Variants in PCDH11X observed in about 807,000 individuals in gnomAD.
PCDH11X encodes protocadherin 11 X-linked.
In PCDH11X, 18 loss-of-function variants were observed where a neutral mutation model predicts 53.3. The ratio of observed to expected loss-of-function variants is 0.34; its 90% CI spans 0.23 to 0.50. The LOEUF is 0.50. Among genes scored for constraint, PCDH11X ranks in the 20% least tolerant of loss-of-function variants. The probability of loss-of-function intolerance (pLI) is 0.98; values close to 1 mark genes in which losing one functional copy is unlikely to be tolerated. For synonymous variants in PCDH11X, 279 were observed against 393.3 expected (o/e 0.71, Z 3.44); for missense variants, 570 against 1,032.4 (o/e 0.55, Z 6.14).
At chrX:92,591,527 C>A (rs1925032574) in intron 10 of PCDH11X, among the ~76,000 whole-genome samples, 1 of 111,445 alleles carries the variant, frequency 9.0e-6, no homozygotes, top group South Asian at 3.8e-4. Flanking sequence ...GCTACTCAAG[C>A]CAGCCCTGCA....
chrX:92,046,549 A>G (rs1257913900), intron 6 of PCDH11X, among the ~76,000 whole-genome samples: 1 of 111,358 alleles, frequency 9.0e-6, no homozygotes, highest in Non-Finnish European at 1.9e-5. Context: ...TTACATTGAT[A>G]TTGGCACTGT....
intron 6 of PCDH11X, among the ~76,000 whole-genome samples, chrX:92,008,812 C>A (rs1242482493): frequency 9.1e-6 from 1 of 110,183 alleles, no homozygotes; most frequent in Non-Finnish European, 1.9e-5. Flanking sequence ...TTCATTATTA[C>A]TTATGAGTGA....
At chrX:92,137,662 A>G (rs1246131124) in intron 6 of PCDH11X, among the ~76,000 whole-genome samples, 3 of 109,967 alleles carry the variant, frequency 2.7e-5, no homozygotes, top group Non-Finnish European at 5.7e-5. Flanking sequence ...CCCAAAAGAA[A>G]CACCATACCT....
chrX:92,136,708 T>C (rs950060925), intron 6 of PCDH11X, among the ~76,000 whole-genome samples: 3 of 107,716 alleles, frequency 2.8e-5, no homozygotes, highest in African/African-American at 1.0e-4. Context: ...TACTGACCCC[T>C]GTTGTAGATA....
chrX:91,893,283 A>G (rs1442519263), intron 6 of PCDH11X, among the ~76,000 whole-genome samples: 1 of 110,611 alleles, frequency 9.0e-6, no homozygotes, highest in African/African-American at 3.3e-5. Context: ...AAAGTATCAA[A>G]GGAAAAATTT....
intron 8 of PCDH11X, among the ~76,000 whole-genome samples, chrX:92,353,391 T>G (rs766010567): frequency 8.9e-6 from 1 of 111,759 alleles, no homozygotes; most frequent in Non-Finnish European, 1.9e-5. Context: ...TCTTCAGTCC[T>G]AAAATACAAT....
rs776571671 is a variant in PCDH11X at position 92,133,961 on chromosome X, A to G, written c.3034-67414A>G. Among the ~76,000 whole-genome samples, 3 of 111,844 alleles carry G rather than the reference A, an allele frequency of 2.7e-5. No individual in the cohort carries two copies. In the East Asian group the frequency reaches 8.5e-4, roughly 32 times the overall value. On this transcript the variant is annotated intron_variant, in intron 6 of 10. Coordinates refer to ENST00000682573, the MANE Select transcript of PCDH11X (RefSeq NM_032968.5). ...TTAGGGAGACATGAGCCTTCTATCA[A>G]TATATGTAAGATATACATTGGATCA...
At chrX:92,600,016 A>C (rs4282734) in intron 10 of PCDH11X, among the ~76,000 whole-genome samples, 25,074 of 108,230 alleles carry the variant, frequency 0.23, 2,587 homozygotes, top group African/African-American at 0.32. Flanking sequence ...TCTAAGCAGT[A>C]AAGCATTCAA....
chrX:92,340,711 C>T (rs1382977490), intron 8 of PCDH11X, among the ~76,000 whole-genome samples: 1 of 112,179 alleles, frequency 8.9e-6, no homozygotes, highest in African/African-American at 3.2e-5. Flanking sequence ...ACCATTCTTT[C>T]CCCCTAGGCC....
intron 6 of PCDH11X, among the ~76,000 whole-genome samples, chrX:92,179,145 C>T (rs1345862245): frequency 1.8e-5 from 2 of 112,037 alleles, no homozygotes; most frequent in African/African-American, 3.2e-5. Flanking sequence ...CCCAAAAGAT[C>T]ACATTTCCTC....
At chrX:92,169,080 C>T (rs2065780838) in intron 6 of PCDH11X, among the ~76,000 whole-genome samples, 1 of 107,489 alleles carries the variant, frequency 9.3e-6, no homozygotes, top group Non-Finnish European at 1.9e-5. Context: ...CAAATACTTT[C>T]TCAAGATGAA....
chrX:92,299,748 C>T (rs1278516459), intron 8 of PCDH11X, among the ~76,000 whole-genome samples: 3 of 110,602 alleles, frequency 2.7e-5, no homozygotes, highest in Admixed American at 1.9e-4. Flanking sequence ...TAATTTTTTT[C>T]AAAGAACCAA....
Position 92,283,075 on chromosome X carries a change from C to CA in PCDH11X, c.3144+19940dup, listed in dbSNP as rs927446428. The stretch of plus-strand genomic sequence containing the variant: ...TAATTCTAGAGCCAGATCTCCTAAG[C>CA]AAAAAAAATTAAATTGACAGAATCA... On this transcript the variant is annotated intron_variant, in intron 8 of 10. Transcript: ENST00000682573. 8.6e-4 allele frequency among the ~76,000 whole-genome samples: 95 copies of CA among 109,837 alleles called. 2 individuals are homozygous for CA. Among genetic ancestry groups the CA allele is most frequent in the Non-Finnish European group, 1.9e-4 (10 of 52,444 alleles).
intron 9 of PCDH11X, among the ~76,000 whole-genome samples, chrX:92,409,851 T>A (rs2071605523): frequency 8.9e-6 from 1 of 112,000 alleles, no homozygotes; most frequent in South Asian, 3.6e-4. Flanking sequence ...TCTTAACATT[T>A]GTATTTACTA....
At chrX:92,568,809 A>G (rs981499753) in intron 10 of PCDH11X, among the ~76,000 whole-genome samples, 16 of 111,300 alleles carry the variant, frequency 1.4e-4, no homozygotes, top group African/African-American at 4.9e-4. Context: ...AAACCCAGCC[A>G]GTTACAGGAC....
At chrX:92,076,733 C>T (rs1156707220) in intron 6 of PCDH11X, among the ~76,000 whole-genome samples, 1 of 111,932 alleles carries the variant, frequency 8.9e-6, no homozygotes, top group Non-Finnish European at 1.9e-5. Flanking sequence ...ACAGTTAACA[C>T]AATATTCTGA....
intron 8 of PCDH11X, among the ~76,000 whole-genome samples, chrX:92,323,163 C>T (rs1287438239): frequency 2.7e-5 from 3 of 110,540 alleles, no homozygotes; most frequent in Non-Finnish European, 3.8e-5. Context: ...AATGCCATCA[C>T]TATGCTTATG....
At chrX:92,269,841 A>G (rs1019033408) in intron 8 of PCDH11X, among the ~76,000 whole-genome samples, 4 of 111,448 alleles carry the variant, frequency 3.6e-5, no homozygotes, top group African/African-American at 9.8e-5. Flanking sequence ...ATTCCTTGCT[A>G]TAATTAATTA....
At position 91,797,930 on chromosome X, in the gene PCDH11X, C is replaced by T. The variant is rs935422488; in HGVS notation, c.-378-11536C>T. Among the ~76,000 whole-genome samples, 12 of 111,770 alleles carry T rather than the reference C, an allele frequency of 1.1e-4. No homozygotes were observed. The East Asian group carries it at 1.4e-3, about 13-fold the overall frequency. On this transcript the variant is annotated intron_variant, in intron 1 of 10. Transcript: ENST00000682573. ...ATGCAATAATGATGCAAATGCAGTACAAACAAAAACATAGATGAACACAGA... is the reference window on the plus strand; with the variant it reads ...ATGCAATAATGATGCAAATGCAGTATAAACAAAAACATAGATGAACACAGA...
Sources: gnomAD v4.1 joint callset for allele counts (sites outside exome capture counted in the v4.1 genomes callset) on GRCh38, gnomAD v4.1.1 for gene constraint, MANE v1.5 for transcripts, NCBI Gene and HGNC (gene_info 2026-07-23, HGNC 2026-07-21) for gene names.